LPP: variants seen among roughly 807,000 people sequenced by gnomAD.
The protein encoded by LPP is lipoma-preferred partner.
Under a neutral mutation model 60.4 loss-of-function variants are expected in LPP, and 38 were observed. The ratio of observed to expected loss-of-function variants is 0.63; its 90% confidence interval spans 0.49 to 0.83. The LOEUF (loss-of-function observed/expected upper bound fraction) is 0.83, where lower values mean the gene tolerates loss of function less well. LPP is among the 40% of genes least tolerant of loss of function. The pLI is 0.00. For missense variants in LPP, 902 were observed against 783.6 expected (o/e 1.15, Z -1.80); for synonymous variants, 328 against 290.8 (o/e 1.13, Z -1.30).
At chr3:188,174,927 T>TGTA (rs1342980075) in intron 1 of LPP, among the ~76,000 whole-genome samples, 1 of 152,092 alleles carries the variant, frequency 6.6e-6, no homozygotes, top group African/African-American at 2.4e-5. Context: ...TACCTTCTCT[T>TGTA]GTAGTTATCA....
In LPP at chr3:188,614,073, T is replaced by TC. The variant is rs1222266911; in HGVS notation, c.1113+4232dup. Among the ~76,000 whole-genome samples the TC allele has an allele frequency of 2.0e-5, 3 of 151,616 alleles. No individual in the cohort carries two copies. In the East Asian group the frequency reaches 5.9e-4, roughly 30 times the overall value. On this transcript the variant is annotated intron_variant, in intron 7 of 11. Transcript: ENST00000617246. Reference sequence around the variant, plus strand: ...CTACCAAGTAGCTGGGATTACAGGCTCCCGCCACCACGCCTGGCTAACTTT... The same window carrying TC: ...CTACCAAGTAGCTGGGATTACAGGCTCCCCGCCACCACGCCTGGCTAACTTT...
At chr3:188,634,522 G>A (rs911623611) in intron 7 of LPP, among the ~76,000 whole-genome samples, 2 of 152,200 alleles carry the variant, frequency 1.3e-5, no homozygotes, top group Admixed American at 6.5e-5. Context: ...GGTCAGTGGC[G>A]GGCAAGTGGG....
intron 9 of LPP, among the ~76,000 whole-genome samples, chr3:188,859,044 G>A (rs1045107126): frequency 2.8e-5 from 4 of 140,892 alleles, no homozygotes; most frequent in African/African-American, 5.4e-5. Flanking sequence ...AGCCGAGATC[G>A]CGCCACTGCA....
intron 6 of LPP, among the ~76,000 whole-genome samples, chr3:188,606,947 C>T (rs1471529894): frequency 6.6e-6 from 1 of 152,078 alleles, no homozygotes; most frequent in Non-Finnish European, 1.5e-5. Flanking sequence ...TGATGACAGG[C>T]ATGCTCTCTG....
intron 8 of LPP, among the ~76,000 whole-genome samples, chr3:188,714,181 A>G (rs1033312432): frequency 2.6e-5 from 4 of 152,162 alleles, no homozygotes; most frequent in Non-Finnish European, 4.4e-5. Context: ...TGTCTATCAT[A>G]ATACATTACC....
chr3:188,700,281 C>G (rs1577086852), intron 7 of LPP, among the ~76,000 whole-genome samples: 1 of 152,082 alleles, frequency 6.6e-6, no homozygotes, highest in Non-Finnish European at 1.5e-5. Context: ...TTATCTAACA[C>G]CATGTAACAA....
chr3:188,381,409 T>G (rs1208289896), intron 3 of LPP, among the ~76,000 whole-genome samples: 1 of 152,170 alleles, frequency 6.6e-6, no homozygotes, highest in Non-Finnish European at 1.5e-5. Context: ...ATTATTGGAT[T>G]AGGTGGAATT....
chr3:188,272,262 A>G (rs1738010816), intron 2 of LPP, among the ~76,000 whole-genome samples: 1 of 152,128 alleles, frequency 6.6e-6, no homozygotes. Context: ...AATTTAATAT[A>G]TTTCCAGATT....
At chr3:188,690,171 G>T (rs1861787485) in intron 7 of LPP, among the ~76,000 whole-genome samples, 1 of 152,222 alleles carries the variant, frequency 6.6e-6, no homozygotes, top group Non-Finnish European at 1.5e-5. Flanking sequence ...CAGGCGAGAT[G>T]CAGAGAGATT....
intron 2 of LPP, among the ~76,000 whole-genome samples, chr3:188,287,005 A>G (rs1231120982): frequency 6.6e-6 from 1 of 152,056 alleles, no homozygotes; most frequent in African/African-American, 2.4e-5. Context: ...GCTTCAAGCA[A>G]TTCTCCTGTC....
At chr3:188,219,391 C>T (rs1044589307) in intron 1 of LPP, among the ~76,000 whole-genome samples, 1 of 152,036 alleles carries the variant, frequency 6.6e-6, no homozygotes, top group East Asian at 1.9e-4. Flanking sequence ...TAATGAGTCA[C>T]GGAGGCTCTT....
chr3:188,165,916 G>A (rs79359119), intron 1 of LPP, among the ~76,000 whole-genome samples: 2,712 of 152,244 alleles, frequency 0.018, 40 homozygotes, highest in South Asian at 0.05. Context: ...TGTCTTAGAC[G>A]GGTGACGGAA....
At chr3:188,819,145 T>G (rs1169249256) in intron 9 of LPP, among the ~76,000 whole-genome samples, 6 of 151,584 alleles carry the variant, frequency 4.0e-5, no homozygotes, top group Non-Finnish European at 8.8e-5. Flanking sequence ...GCTAAACACT[T>G]TATCCTTTTC....
chr3:188,186,045 C>A (rs1029428582), intron 1 of LPP, among the ~76,000 whole-genome samples: 2 of 152,184 alleles, frequency 1.3e-5, no homozygotes, highest in African/African-American at 4.8e-5. Flanking sequence ...TTTCCTCATT[C>A]AGGGCACAGG....
chr3:188,670,930 C>T (rs1856833159), intron 7 of LPP, among the ~76,000 whole-genome samples: 1 of 152,170 alleles, frequency 6.6e-6, no homozygotes, highest in Non-Finnish European at 1.5e-5. Flanking sequence ...TTTCTGACTT[C>T]AGCTCCGTTG....
At chr3:188,492,249 G>A (rs949378132) in intron 5 of LPP, among the ~76,000 whole-genome samples, 58 of 152,244 alleles carry the variant, frequency 3.8e-4, no homozygotes, top group African/African-American at 1.4e-3. Flanking sequence ...AGTTAAGTGA[G>A]ACTATAGTTG....
intron 2 of LPP, among the ~76,000 whole-genome samples, chr3:188,317,910 T>A (rs1407504299): frequency 6.6e-6 from 1 of 152,060 alleles, no homozygotes; most frequent in African/African-American, 2.4e-5. Flanking sequence ...GGGCATGTGA[T>A]CGTGGAGTAC....
In LPP at chr3:188,194,854, G is replaced by A. The variant is rs541119398; in HGVS notation, c.-189-30551G>A. Among the ~76,000 whole-genome samples, 12 of 152,148 alleles carry A rather than the reference G, an allele frequency of 7.9e-5. No individual in the cohort carries two copies. In the East Asian group the frequency reaches 1.2e-3, roughly 15 times the overall value. On this transcript the variant is annotated intron_variant, in intron 1 of 11. Coordinates refer to ENST00000617246, the MANE Select transcript of LPP (RefSeq NM_001375462.1). ...TTGCAGAGTTAAGAGTTATATACCC[G>A]TCTATGGTAGAAAACACAGGTTCAT...
chr3:188,451,060 G>GA (rs1796483882), intron 4 of LPP, among the ~76,000 whole-genome samples: 2 of 150,914 alleles, frequency 1.3e-5, no homozygotes, highest in African/African-American at 4.9e-5. Flanking sequence ...TTTTGTTTTT[G>GA]TTTTTTTTTA....
Sources: gnomAD v4.1 joint callset for allele counts (sites outside exome capture counted in the v4.1 genomes callset) on GRCh38, gnomAD v4.1.1 for gene constraint, MANE v1.5 for transcripts, NCBI Gene and HGNC (gene_info 2026-07-23, HGNC 2026-07-21) for gene names.